The following ZZZ3 variants were observed in gnomAD, a reference collection of about 807,000 sequenced individuals.
The protein encoded by ZZZ3 is zinc finger ZZ-type containing 3, also known as ZZ-type zinc finger-containing protein 3.
In ZZZ3, 22 loss-of-function variants were observed where a neutral mutation model predicts 95.2. The ratio of observed to expected loss-of-function variants is 0.23; its 90% CI spans 0.17 to 0.33. The LOEUF is 0.33. Ranked by LOEUF, ZZZ3 falls within the 10% of genes least tolerant of loss-of-function variation. ZZZ3 has a pLI of 1.00. For missense variants in ZZZ3, 885 were observed against 1,066.5 expected, an observed-to-expected ratio of 0.83 and a Z score of 2.37; for synonymous variants, 335 against 358.9, an observed-to-expected ratio of 0.93 and a Z score of 0.75.
chr1:77,632,046 C>G lies in ZZZ3; in HGVS notation c.1309G>C (p.Glu437Gln), dbSNP rs1382667588. ...PTNPGEISQNEKGICCDSQNN... is the reference protein window; with the variant it reads ...PTNPGEISQNQKGICCDSQNN... Reference sequence around the variant, plus strand: ...TGAGAGTCACAACATATCCCTTTTTCATTTTGAGAAATTTCACCAGGATTT... The same window carrying G: ...TGAGAGTCACAACATATCCCTTTTTGATTTTGAGAAATTTCACCAGGATTT... Residue 437 changes from glutamate (E) to glutamine (Q), a missense_variant, in exon 5 of 15, where the codon GAA (glutamate) becomes CAA (glutamine). By Grantham distance (29) the Glu-to-Gln change is conservative (BLOSUM62 2). Coordinates refer to ENST00000370801, the MANE Select transcript of ZZZ3 (RefSeq NM_015534.6). 1 of 1,612,526 alleles carries G rather than the reference C, an allele frequency of 6.2e-7. No homozygotes were observed. Among genetic ancestry groups the G allele is most frequent in the Non-Finnish European group, 8.5e-7 (1 of 1,179,620 alleles).
At chr1:77,672,223 T>C (rs1462240959) in intron 1 of ZZZ3, among the ~76,000 whole-genome samples, 4 of 152,214 alleles carry the variant, frequency 2.6e-5, no homozygotes, top group African/African-American at 9.6e-5. Flanking sequence ...TTTGAATTTC[T>C]AGTAAATTCC....
intron 1 of ZZZ3, among the ~76,000 whole-genome samples, chr1:77,642,874 C>T (rs1429846625): frequency 5.9e-5 from 9 of 152,070 alleles, no homozygotes; most frequent in Non-Finnish European, 1.3e-4. Flanking sequence ...AACAATAGAG[C>T]GATTAAGAAA....
chr1:77,588,346 G>A (rs1035616663), intron 5 of ZZZ3, among the ~76,000 whole-genome samples: 3 of 152,228 alleles, frequency 2.0e-5, no homozygotes, highest in Non-Finnish European at 4.4e-5. Context: ...TATTTATGGT[G>A]GAGCTGCAAT....
At chr1:77,673,675 A>G (rs1671989570) in intron 1 of ZZZ3, among the ~76,000 whole-genome samples, 1 of 152,204 alleles carries the variant, frequency 6.6e-6, no homozygotes, top group Non-Finnish European at 1.5e-5. Flanking sequence ...CTCTTAGCTG[A>G]TTCCCAATTT....
intron 5 of ZZZ3, among the ~76,000 whole-genome samples, chr1:77,628,537 T>C (rs1002708122): frequency 6.6e-6 from 1 of 152,184 alleles, no homozygotes; most frequent in Admixed American, 6.5e-5. Context: ...TAATGCCTAA[T>C]TTACTATAAA....
At chr1:77,580,817 G>T (rs770035210) in intron 9 of ZZZ3, 181 bp downstream of exon 9, 1 of 526,592 alleles carries the variant, frequency 1.9e-6, no homozygotes, top group Non-Finnish European at 3.4e-6. Context: ...TTTTTAGTAG[G>T]GTTTCACCAT....
intron 12 of ZZZ3, among the ~76,000 whole-genome samples, chr1:77,571,480 C>A (rs894605804): frequency 6.6e-6 from 1 of 152,168 alleles, no homozygotes; most frequent in Non-Finnish European, 1.5e-5. Context: ...TATTTGTATA[C>A]CTATGTTCAC....
intron 1 of ZZZ3, among the ~76,000 whole-genome samples, chr1:77,662,054 C>T (rs1206546748): frequency 1.3e-5 from 2 of 149,340 alleles, no homozygotes; most frequent in African/African-American, 2.5e-5. Flanking sequence ...TTTGCTCTGT[C>T]GCCCAGGCTG....
chr1:77,581,463 G>A (rs937207231), intron 8 of ZZZ3, among the ~76,000 whole-genome samples: 3 of 152,132 alleles, frequency 2.0e-5, no homozygotes, highest in Admixed American at 6.5e-5. Flanking sequence ...AATACTATGT[G>A]TCGGATACTG....
intron 1 of ZZZ3, among the ~76,000 whole-genome samples, chr1:77,670,271 T>G (rs915470314): frequency 4.6e-5 from 7 of 151,088 alleles, no homozygotes; most frequent in African/African-American, 1.5e-4. Flanking sequence ...TTTTTTTTTT[T>G]TGGGGGGGGG....
intron 6 of ZZZ3, among the ~76,000 whole-genome samples, chr1:77,582,975 T>C (rs1339421895): frequency 3.3e-5 from 5 of 151,914 alleles, no homozygotes; most frequent in Admixed American, 3.3e-4. Flanking sequence ...TGTAGTACAG[T>C]GCATTTGCAG....
At chr1:77,669,483 G>A (rs1485066020) in intron 1 of ZZZ3, among the ~76,000 whole-genome samples, 4 of 139,566 alleles carry the variant, frequency 2.9e-5, no homozygotes, top group African/African-American at 5.5e-5. Context: ...TTGAGATGGC[G>A]TCTCGCTCAG....
intron 1 of ZZZ3, among the ~76,000 whole-genome samples, chr1:77,657,219 T>C (rs1670348705): frequency 6.6e-6 from 1 of 152,202 alleles, no homozygotes; most frequent in Non-Finnish European, 1.5e-5. Context: ...TGGCATCAAG[T>C]GATCCACCCA....
chr1:77,580,927 C>T (rs1662448970), intron 9 of ZZZ3, 71 bp downstream of exon 9: 3 of 1,340,952 alleles, frequency 2.2e-6, no homozygotes, highest in Non-Finnish European at 3.2e-6. Flanking sequence ...GACCTGGCCT[C>T]ATAATACTGA....
chr1:77,587,507 G>T (rs923834327), intron 5 of ZZZ3, among the ~76,000 whole-genome samples: 2 of 151,926 alleles, frequency 1.3e-5, no homozygotes, highest in Admixed American at 6.6e-5. Flanking sequence ...CTCGTGATCC[G>T]CCCGCCTCGG....
intron 5 of ZZZ3, among the ~76,000 whole-genome samples, chr1:77,621,517 A>T (rs1277985862): frequency 1.7e-5 from 2 of 118,686 alleles, no homozygotes; most frequent in Admixed American, 8.2e-5. Context: ...AATTTAAGTT[A>T]AAAAAAAAAA....
At chr1:77,588,367 G>A (rs1390340484) in intron 5 of ZZZ3, among the ~76,000 whole-genome samples, 1 of 152,072 alleles carries the variant, frequency 6.6e-6, no homozygotes, top group Non-Finnish European at 1.5e-5. Flanking sequence ...GTGAGGAATG[G>A]TTAAAGACCC....
chr1:77,633,125 C>CG lies in ZZZ3; in HGVS notation c.229dup (p.Arg77ProfsTer8), dbSNP rs775518348. On this transcript the variant is annotated frameshift_variant, in exon 5 of 15. Coordinates refer to ENST00000370801, the MANE Select transcript of ZZZ3 (RefSeq NM_015534.6). LOFTEE classifies it high-confidence loss of function. ...TTTCCTAGGGCTTACCCATGATTCTCGGGTACTCTGCTGTTTTAAATCAGT... is the reference window on the plus strand; with the variant it reads ...TTTCCTAGGGCTTACCCATGATTCTCGGGGTACTCTGCTGTTTTAAATCAGT... 1 of 1,613,938 alleles carries CG rather than the reference C, an allele frequency of 6.2e-7. No individual in the cohort carries two copies. The highest frequency in any genetic ancestry group is 2.2e-5 in the East Asian group (1 of 44,878).
chr1:77,657,572 C>T (rs1488478525), intron 1 of ZZZ3, among the ~76,000 whole-genome samples: 2 of 152,130 alleles, frequency 1.3e-5, no homozygotes, highest in Non-Finnish European at 2.9e-5. Context: ...TGAACATGTC[C>T]GCAAATGACT....
Sources: allele counts gnomAD v4.1 joint callset (sites outside exome capture counted in the v4.1 genomes callset), GRCh38; gene constraint gnomAD v4.1.1; transcripts MANE v1.5; gene names NCBI Gene and HGNC (gene_info 2026-07-23, HGNC 2026-07-21).